Variants in PDPK1 observed in about 807,000 individuals in gnomAD.
PDPK1 encodes 3-phosphoinositide dependent protein kinase 1.
PDPK1 carries 7 observed loss-of-function variants against 39.8 expected under a neutral mutation model. The ratio of observed to expected loss-of-function variants is 0.18; its 90% CI spans 0.10 to 0.33. The LOEUF (loss-of-function observed/expected upper bound fraction) is 0.33. Ranked by LOEUF, PDPK1 falls within the 10% of genes least tolerant of loss-of-function variation. The probability of loss-of-function intolerance (pLI) is 1.00; values close to 1 mark genes in which losing one functional copy is unlikely to be tolerated. For missense variants in PDPK1, 182 were observed against 384.7 expected (o/e 0.47, Z 4.41); for synonymous variants, 118 against 159.1 (o/e 0.74, Z 1.95).
At chr16:2,595,742 T>C (rs1304543498) in intron 11 of PDPK1, 51 bp from the exon 12 acceptor site, 2 of 1,452,652 alleles carry the variant, frequency 1.4e-6, no homozygotes, top group East Asian at 2.3e-5. Context: ...GCGTGGAGAA[T>C]TTCTGTTTGT....
At chr16:2,542,717 G>A (rs1294944237) in intron 1 of PDPK1, among the ~76,000 whole-genome samples, 2 of 152,210 alleles carry the variant, frequency 1.3e-5, no homozygotes, top group African/African-American at 2.4e-5. Context: ...TGCTGGGACC[G>A]GCCCAATCTG....
At chr16:2,595,983 A>G (rs1263465709) in intron 12 of PDPK1, 133 bp downstream of exon 12, 2 of 767,954 alleles carry the variant, frequency 2.6e-6, no homozygotes, top group Non-Finnish European at 4.6e-6. Flanking sequence ...TCTAGATTTC[A>G]TAGCTCGGGA....
chr16:2,578,041 C>T (rs1346732490), intron 7 of PDPK1, among the ~76,000 whole-genome samples: 4 of 148,864 alleles, frequency 2.7e-5, no homozygotes, highest in African/African-American at 1.0e-4. Flanking sequence ...CCAGCCTGAT[C>T]GTTTCTTTGG....
chr16:2,556,357 A>ATTT (rs1174100741), intron 1 of PDPK1, among the ~76,000 whole-genome samples: 416 of 85,946 alleles, frequency 4.8e-3, no homozygotes, highest in African/African-American at 0.017. Flanking sequence ...CGCCCGGCCT[A>ATTT]TTTTTTTTTT....
Position 2,597,581 on chromosome 16 carries a change from G to C in PDPK1, c.1555-70G>C. ...GACTCGGAATGGCTGGTCGCAGGCA[G>C]CTCACCAGGTTGGGGTGGGGGTTTT... On this transcript the variant is annotated intron_variant, in intron 13 of 13. Coordinates refer to ENST00000342085, the MANE Select transcript of PDPK1 (RefSeq NM_002613.5). The surrounding 1 kb of genome is among the most constrained non-coding windows in gnomAD (Gnocchi z 6.3). The C allele has an allele frequency of 9.0e-7, 1 of 1,111,778 alleles. No homozygotes were observed. The highest frequency in any genetic ancestry group is 1.4e-6 in the Non-Finnish European group (1 of 723,050). The allele number at this position is 1,111,778 out of a possible 1,614,324, so 68.9% of individuals were successfully genotyped here.
chr16:2,553,238 C>T (rs1342313324), intron 1 of PDPK1, among the ~76,000 whole-genome samples: 24 of 134,086 alleles, frequency 1.8e-4, no homozygotes, highest in African/African-American at 9.6e-5. Context: ...TACAGGGTCT[C>T]GGTGATAGTT....
intron 11 of PDPK1, among the ~76,000 whole-genome samples, chr16:2,588,705 A>G (rs1308739865): frequency 1.3e-5 from 2 of 151,896 alleles, no homozygotes; most frequent in Admixed American, 1.3e-4. Context: ...GACTCCTGAG[A>G]TCTTGCAGGA....
Position 2,598,831 on chromosome 16 carries a change from C to G in PDPK1, c.*1064C>G, listed in dbSNP as rs887218712. ...ACCACGCCAGGGAGTGCAGACACCA[C>G]CGTCACACACGCCCCTTTTGTGTTT... On this transcript the variant is annotated 3_prime_UTR_variant, in exon 14 of 14. Transcript: ENST00000342085. The G allele has an allele frequency of 9.0e-5, 21 of 233,370 alleles. No homozygotes were observed. The highest frequency in any genetic ancestry group is 9.0e-4 in the Admixed American group (16 of 17,804). The allele number at this position is 233,370 out of a possible 1,614,324, so 14.5% of individuals were successfully genotyped here. A position where few individuals can be genotyped will look rare whatever the true frequency, so the allele number is the denominator to read the frequency against.
chr16:2,591,728 G>A (rs987989122), intron 11 of PDPK1, among the ~76,000 whole-genome samples: 2 of 152,190 alleles, frequency 1.3e-5, no homozygotes, highest in African/African-American at 2.4e-5. Flanking sequence ...AACAGGAGAG[G>A]CCTGTGCAGC....
At chr16:2,544,645 G>A (rs1185012188) in intron 1 of PDPK1, among the ~76,000 whole-genome samples, 1 of 151,692 alleles carries the variant, frequency 6.6e-6, no homozygotes, top group African/African-American at 2.4e-5. Context: ...GTGCAGTGGC[G>A]CGATCTCGGC....
At chr16:2,544,581 C>G (rs1171201093) in intron 1 of PDPK1, among the ~76,000 whole-genome samples, 2 of 152,062 alleles carry the variant, frequency 1.3e-5, no homozygotes, top group African/African-American at 4.8e-5. Context: ...ACCCCCTCAC[C>G]TCCCCCAAAT....
intron 1 of PDPK1, among the ~76,000 whole-genome samples, chr16:2,540,695 G>T (rs560394678): frequency 1.3e-5 from 2 of 152,318 alleles, no homozygotes; most frequent in East Asian, 1.9e-4. Context: ...TGACCCCGGG[G>T]CCTGTTTCAG....
In PDPK1 at chr16:2,597,264, T is replaced by C. The variant is rs974348443; in HGVS notation, c.1543T>C (p.Phe515Leu). 1 of 1,590,122 alleles carries C rather than the reference T, an allele frequency of 6.3e-7. No homozygotes were observed. Reference protein sequence around the residue: ...RPEAKNFKTFFVHTPNRTYYL... With the variant: ...RPEAKNFKTFLVHTPNRTYYL... ...AGAGGCCAAGAATTTTAAAACTTTC[T>C]TTGTCCACACGGTGAGTCTGTTCCC... Residue 515 changes from phenylalanine (F) to leucine (L), a missense_variant, in exon 13 of 14, where the codon TTT (phenylalanine) becomes CTT (leucine). Transcript: ENST00000342085. The surrounding 1 kb of genome is among the most constrained non-coding windows in gnomAD (Gnocchi z 6.3).
At chr16:2,590,908 C>G (rs2066976592) in intron 11 of PDPK1, among the ~76,000 whole-genome samples, 1 of 151,604 alleles carries the variant, frequency 6.6e-6, no homozygotes, top group Admixed American at 6.6e-5. Flanking sequence ...TATGACTTCC[C>G]AAAGTGGTGG....
chr16:2,542,624 A>G (rs375968703), intron 1 of PDPK1, among the ~76,000 whole-genome samples: 6,218 of 104,590 alleles, frequency 0.059, no homozygotes, highest in Middle Eastern at 0.12. Flanking sequence ...CCATCTGATG[A>G]AGGTGGGCAT....
Position 2,595,836 on chromosome 16 carries a change from G to A in PDPK1, c.1387G>A (p.Val463Met), listed in dbSNP as rs1441301361. 3 of 1,613,594 alleles carry A rather than the reference G, an allele frequency of 1.9e-6. No homozygotes were observed. The highest frequency in any genetic ancestry group is 2.5e-6 in the Non-Finnish European group (3 of 1,179,460). ...ENNLILKMGP[V>M]DKRKGLFARR... ...TAATTTAATACTAAAGATGGGCCCAGTGGATAAGCGGAAGGTGAGTGGTCA... is the reference window on the plus strand; with the variant it reads ...TAATTTAATACTAAAGATGGGCCCAATGGATAAGCGGAAGGTGAGTGGTCA... Residue 463 changes from valine to methionine, a missense_variant, in exon 12 of 14, where the codon GTG becomes ATG. Around this residue, in one of 5 missense-constraint regions of PDPK1, gnomAD observed 90 missense variants for 111.9 expected, o/e 0.80. Coordinates refer to ENST00000342085, the MANE Select transcript of PDPK1 (RefSeq NM_002613.5).
chr16:2,539,799 A>G (rs1192783348), intron 1 of PDPK1, among the ~76,000 whole-genome samples: 1 of 152,222 alleles, frequency 6.6e-6, no homozygotes, highest in Non-Finnish European at 1.5e-5. Flanking sequence ...ACTCGCACCC[A>G]GTAACGCTGT....
chr16:2,592,188 G>A (rs1240274343), intron 11 of PDPK1, among the ~76,000 whole-genome samples: 1 of 152,178 alleles, frequency 6.6e-6, no homozygotes, highest in African/African-American at 2.4e-5. Flanking sequence ...GAGGGTGGAG[G>A]AGGTGGCAAG....
intron 1 of PDPK1, among the ~76,000 whole-genome samples, chr16:2,543,988 G>T (rs570747560): frequency 8.6e-5 from 13 of 151,830 alleles, no homozygotes; most frequent in African/African-American, 2.9e-4. Context: ...GCCCACCTCG[G>T]CCCCCCAAAG....
Sources: gnomAD v4.1 joint callset for allele counts (sites outside exome capture counted in the v4.1 genomes callset) on GRCh38, gnomAD v4.1.1 for gene constraint, gnomAD v4.1.1 regional missense constraint, Gnocchi (gnomAD v3.1) non-coding constraint, MANE v1.5 for transcripts, NCBI Gene and HGNC (gene_info 2026-07-23, HGNC 2026-07-21) for gene names.